Variants in HAPSTR1 observed in about 807,000 individuals in gnomAD.
HAPSTR1 encodes the protein HUWE1-associated protein modifying stress responses 1.
chr16:9,096,279 T>A, the HAPSTR1 span, among the ~76,000 whole-genome samples: 2 of 152,240 alleles, frequency 1.3e-5, no homozygotes, highest in African/African-American at 4.8e-5. Context: ...ATTTTTTGGA[T>A]TTTTCTCAAT....
the HAPSTR1 span, among the ~76,000 whole-genome samples, chr16:9,114,552 A>G: frequency 1.3e-5 from 2 of 152,158 alleles, no homozygotes; most frequent in African/African-American, 4.8e-5. Flanking sequence ...ACTATTTCAG[A>G]GAGCTGCAAA....
the HAPSTR1 span, chr16:9,112,034 A>G: frequency 8.5e-5 from 13 of 152,230 alleles, no homozygotes. Context: ...TTGGTGTGAC[A>G]CATGTATCTT....
At chr16:9,115,708 G>A in the HAPSTR1 span, among the ~76,000 whole-genome samples, 1 of 152,080 alleles carries the variant, frequency 6.6e-6, no homozygotes, top group Non-Finnish European at 1.5e-5. Flanking sequence ...ACCGCCTCCC[G>A]GGTTCAAGCG....
the HAPSTR1 span, chr16:9,106,030 A>G: frequency 1.3e-5 from 2 of 152,200 alleles, no homozygotes; most frequent in African/African-American, 4.8e-5. Flanking sequence ...AGAGTATGAC[A>G]ATGAATGAGA....
chr16:9,101,920 A>AG, the HAPSTR1 span, among the ~76,000 whole-genome samples: 6 of 152,276 alleles, frequency 3.9e-5, no homozygotes, highest in Admixed American at 3.9e-4. Flanking sequence ...CAGGAGTTGA[A>AG]GACCAGCCTG....
chr16:9,117,723 T>C, the HAPSTR1 span: 1 of 152,412 alleles, frequency 6.6e-6, no homozygotes, highest in African/African-American at 2.4e-5. Context: ...TGACCTAAAG[T>C]AGAGAGGTCA....
the HAPSTR1 span, chr16:9,092,397 G>T: frequency 3.5e-6 from 3 of 853,246 alleles, no homozygotes; most frequent in Non-Finnish European, 4.6e-6. Flanking sequence ...CCGGCCGGTG[G>T]CTCCGCGGCC....
At chr16:9,104,873 G>A in the HAPSTR1 span, 1 of 152,224 alleles carries the variant, frequency 6.6e-6, no homozygotes, top group Non-Finnish European at 1.5e-5. Flanking sequence ...AATATTTGAT[G>A]CAGTTGTCTC....
chr16:9,120,269 C>G, the HAPSTR1 span: 5 of 152,178 alleles, frequency 3.3e-5, no homozygotes, highest in Admixed American at 3.3e-4. Context: ...ACCTGCTACC[C>G]CTTCTGGAAA....
At chr16:9,111,277 T>G in the HAPSTR1 span, 1 of 152,206 alleles carries the variant, frequency 6.6e-6, no homozygotes, top group Non-Finnish European at 1.5e-5. Flanking sequence ...TGGTAGCTGT[T>G]TAAAAGTAAA....
chr16:9,097,707 A>G, the HAPSTR1 span, among the ~76,000 whole-genome samples: 2 of 152,194 alleles, frequency 1.3e-5, no homozygotes, highest in African/African-American at 2.4e-5. Flanking sequence ...CCCTGTGTGC[A>G]CTCGCACACT....
At chr16:9,111,335 C>T in the HAPSTR1 span, 1 of 152,176 alleles carries the variant, frequency 6.6e-6, no homozygotes, top group Non-Finnish European at 1.5e-5. Flanking sequence ...GATTAATGCA[C>T]CAAAGCAGTC....
chr16:9,114,395 G>T, the HAPSTR1 span, among the ~76,000 whole-genome samples: 1 of 152,116 alleles, frequency 6.6e-6, no homozygotes, highest in Non-Finnish European at 1.5e-5. Flanking sequence ...AGAGGAGCCA[G>T]CAGGAAACTA....
chr16:9,099,872 G>A, the HAPSTR1 span, among the ~76,000 whole-genome samples: 3 of 152,164 alleles, frequency 2.0e-5, no homozygotes, highest in African/African-American at 7.2e-5. Context: ...CAAGTTATGA[G>A]AAAGGTTTGT....
chr16:9,092,379 C>T, the HAPSTR1 span: 1 of 1,010,272 alleles, frequency 9.9e-7, no homozygotes, highest in Non-Finnish European at 1.3e-6. Context: ...GCGGCGGCCT[C>T]GGGGATCCCG....
At chr16:9,109,626 A>G in the HAPSTR1 span, 1 of 152,204 alleles carries the variant, frequency 6.6e-6, no homozygotes, top group Non-Finnish European at 1.5e-5. Context: ...TGGTGTCATA[A>G]TAGGCACCAA....
the HAPSTR1 span, among the ~76,000 whole-genome samples, chr16:9,097,894 A>C: frequency 6.6e-6 from 1 of 152,240 alleles, no homozygotes. Flanking sequence ...ACATGAGTTG[A>C]GAGCTAAGCC....
the HAPSTR1 span, chr16:9,106,826 T>G: frequency 6.6e-6 from 1 of 152,180 alleles, no homozygotes; most frequent in Non-Finnish European, 1.5e-5. Context: ...ATTATAAATT[T>G]CCCAAGAGTT....
chr16:9,108,597 C>A, the HAPSTR1 span: 1 of 152,172 alleles, frequency 6.6e-6, no homozygotes, highest in African/African-American at 2.4e-5. Flanking sequence ...TGGGAAAGAT[C>A]TTGAGGCTTT....
Sources: allele counts gnomAD v4.1 joint callset (sites outside exome capture counted in the v4.1 genomes callset), GRCh38; gene constraint gnomAD v4.1.1; transcripts MANE v1.5; gene names NCBI Gene and HGNC (gene_info 2026-07-23, HGNC 2026-07-21).